Variants in GATAD2B observed in about 807,000 individuals in gnomAD.
GATAD2B encodes GATA zinc finger domain containing 2B, also known as transcriptional repressor p66-beta.
GATAD2B carries 8 observed loss-of-function variants against 64.3 expected under a neutral mutation model. That is an observed-to-expected ratio of 0.12 (90% CI 0.07 to 0.22). GATAD2B has a LOEUF of 0.22. Among genes scored for constraint, GATAD2B ranks in the 10% least tolerant of loss-of-function variants. The pLI, the probability that GATAD2B is intolerant of heterozygous loss-of-function variation, is 1.00. For synonymous variants in GATAD2B, 281 were observed against 271.3 expected, an observed-to-expected ratio of 1.04 and a Z score of -0.35; for missense variants, 453 against 752.0, an observed-to-expected ratio of 0.60 and a Z score of 4.65.
chr1:153,893,979 A>C (rs370431943), intron 1 of GATAD2B, among the ~76,000 whole-genome samples: 4 of 134,308 alleles, frequency 3.0e-5, no homozygotes, highest in Non-Finnish European at 6.7e-5. Context: ...AAAAAAAAAA[A>C]AAACCCAAAA....
In GATAD2B at chr1:153,817,459, G is replaced by C. The variant is rs769561865; in HGVS notation, c.813C>G (p.Ala271=). The change falls in exon 6 of 11, where the codon GCC becomes GCG. Residue 271 remains alanine (A), a synonymous_variant. Coordinates refer to ENST00000368655, the MANE Select transcript of GATAD2B (RefSeq NM_020699.4). The part of the protein sequence containing the change: ...MSQRVIAPNP[A]QLQGQRGPPK... ...GCGGGCCCCGCTGACCCTGTAGCTGGGCTGGGTTTGGTGCAATAACACGTT... is the reference window on the plus strand; with the variant it reads ...GCGGGCCCCGCTGACCCTGTAGCTGCGCTGGGTTTGGTGCAATAACACGTT... The C allele has an allele frequency of 5.0e-6, 8 of 1,613,600 alleles. No homozygotes were observed. The South Asian group carries it at 8.8e-5, about 18-fold the overall frequency.
At chr1:153,915,698 G>A (rs1319820647) in intron 1 of GATAD2B, among the ~76,000 whole-genome samples, 7 of 144,664 alleles carry the variant, frequency 4.8e-5, no homozygotes, top group Non-Finnish European at 9.0e-5. Flanking sequence ...TCGTGCCACT[G>A]TGCTCCATGG....
In GATAD2B at chr1:153,897,803, G is replaced by A. The variant is rs1239012692; in HGVS notation, c.-2+24930C>T. On this transcript the variant is annotated intron_variant, in intron 1 of 10. Coordinates refer to ENST00000368655, the MANE Select transcript of GATAD2B (RefSeq NM_020699.4). The stretch of plus-strand genomic sequence containing the variant: ...AAAAAAATTTTTTTAAAGAATTGCT[G>A]AAAACGATGCACTTCCTCAGTAACT... Among the ~76,000 whole-genome samples the A allele has an allele frequency of 2.6e-5, 4 of 152,028 alleles. No homozygotes were observed. In the East Asian group the frequency reaches 7.7e-4, roughly 29 times the overall value.
intron 1 of GATAD2B, among the ~76,000 whole-genome samples, chr1:153,871,495 C>T (rs1676664761): frequency 6.6e-6 from 1 of 152,096 alleles, no homozygotes; most frequent in South Asian, 2.1e-4. Flanking sequence ...AGCCACTGTA[C>T]CCAGCCAGAG....
In GATAD2B at chr1:153,807,341, T is replaced by TG. The variant is rs2101870459; in HGVS notation, c.*2835dup. The TG allele has an allele frequency of 6.6e-6, 1 of 150,838 alleles. No individual in the cohort carries two copies. The highest frequency in any genetic ancestry group is 2.0e-4 in the East Asian group (1 of 5,128). 9.3% of individuals were successfully genotyped at this position (150,838 alleles called of 1,614,324 possible). ...TGGAGGGACACAAGGCAATCAGTGA[T>TG]GAAAAAAAAGAGACGGAGAATTGAG... On this transcript the variant is annotated 3_prime_UTR_variant, in exon 11 of 11. Coordinates refer to ENST00000368655, the MANE Select transcript of GATAD2B (RefSeq NM_020699.4).
Position 153,805,432 on chromosome 1 carries a change from T to C in GATAD2B, c.*4745A>G, listed in dbSNP as rs1428589989. ...AAGGGCTCTGTGGTTGGCTGTGAGA[T>C]GGGGCTTGAGGCCTAGTCCCCGCCC... On this transcript the variant is annotated 3_prime_UTR_variant, in exon 11 of 11. Transcript: ENST00000368655. 1 of 152,178 alleles carries C rather than the reference T, an allele frequency of 6.6e-6. No individual in the cohort carries two copies. The highest frequency in any genetic ancestry group is 1.5e-5 in the Non-Finnish European group (1 of 68,030). The allele number at this position is 152,178 out of a possible 1,614,324, so 9.4% of individuals were successfully genotyped here. A position where few individuals can be genotyped will look rare whatever the true frequency, so the allele number is the denominator to read the frequency against.
chr1:153,872,088 T>C (rs957226026), intron 1 of GATAD2B, among the ~76,000 whole-genome samples: 1 of 151,952 alleles, frequency 6.6e-6, no homozygotes, highest in African/African-American at 2.4e-5. Context: ...GAGGCTGCGG[T>C]AGGCGGATCA....
chr1:153,895,160 AAAAC>A (rs1182653852), intron 1 of GATAD2B, among the ~76,000 whole-genome samples: 2 of 151,942 alleles, frequency 1.3e-5, no homozygotes, highest in East Asian at 1.9e-4. Flanking sequence ...CTCCGTCTCA[AAAAC>A]AAACAAACAA....
intron 1 of GATAD2B, among the ~76,000 whole-genome samples, chr1:153,899,862 A>G (rs1211327567): frequency 6.6e-6 from 1 of 152,178 alleles, no homozygotes; most frequent in Non-Finnish European, 1.5e-5. Flanking sequence ...ACAAAATTGT[A>G]AAGGGGCATA....
Position 153,817,538 on chromosome 1 carries a change from T to C in GATAD2B, c.734A>G (p.His245Arg), listed in dbSNP as rs765314482. ...EPQNLRTLQG[H>R]SVIRSATNTT... The stretch of plus-strand genomic sequence containing the variant: ...ATTGGTAGCTGAACGGATGACACTG[T>C]GACCCTGGAGGGGAAGAAGAGGAAA... Residue 245 changes from histidine to arginine, a missense_variant, in exon 6 of 11, where the codon CAC becomes CGC. By Grantham distance (29) the His-to-Arg change is conservative. Around this residue, in one of 2 missense-constraint regions of GATAD2B, gnomAD observed 293 missense variants for 417.2 expected, o/e 0.70. Transcript: ENST00000368655. 7 of 1,593,204 alleles carry C rather than the reference T, an allele frequency of 4.4e-6. No individual in the cohort carries two copies. The highest frequency in any genetic ancestry group is 6.0e-6 in the Non-Finnish European group (7 of 1,170,888).
Position 153,807,129 on chromosome 1 carries a change from G to C in GATAD2B, c.*3048C>G, listed in dbSNP as rs1674134949. On this transcript the variant is annotated 3_prime_UTR_variant, in exon 11 of 11. Coordinates refer to ENST00000368655, the MANE Select transcript of GATAD2B (RefSeq NM_020699.4). ...ATTCCACCCATTTCAGGCTTCCAGG[G>C]AGTAAGACACCAACCTTAAAATACT... The C allele has an allele frequency of 6.6e-6, 1 of 152,140 alleles. No homozygotes were observed. The allele number at this position is 152,140 out of a possible 1,614,324, so 9.4% of individuals were successfully genotyped here.
At chr1:153,891,774 A>G (rs1047619795) in intron 1 of GATAD2B, among the ~76,000 whole-genome samples, 1 of 151,774 alleles carries the variant, frequency 6.6e-6, no homozygotes, top group African/African-American at 2.4e-5. Context: ...CCATGTGCAT[A>G]TATCACCTAT....
intron 1 of GATAD2B, 46 bp from the exon 2 acceptor site, chr1:153,828,394 A>C: frequency 1.4e-6 from 2 of 1,441,904 alleles, no homozygotes; most frequent in African/African-American, 1.4e-5. Flanking sequence ...AGTCCCTTAA[A>C]TAGTCCATTT....
chr1:153,861,759 G>A (rs1448148985), intron 1 of GATAD2B, among the ~76,000 whole-genome samples: 1 of 128,720 alleles, frequency 7.8e-6, no homozygotes, highest in East Asian at 2.1e-4. Context: ...TCCAGCCTGG[G>A]CAACAGAGCG....
chr1:153,810,191 T>C lies in GATAD2B; in HGVS notation c.1768A>G (p.Ser590Gly). The change falls in exon 11 of 11, where the codon AGT (serine) becomes GGT (glycine). Residue 590 changes from serine (S) to glycine (G), a missense_variant. Physicochemically the swap from Ser to Gly is moderately conservative, Grantham distance 56 (BLOSUM62 0). This residue lies in a region of GATAD2B where 160 missense variants were observed against 334.7 expected (regional missense o/e 0.48). Coordinates refer to ENST00000368655, the MANE Select transcript of GATAD2B (RefSeq NM_020699.4). ...TGGAACAGGCGTTATTTCTGTCCAC[T>C]GATGGACTGCGATATAGACCGGGGA... ...IPPRSISQSI[S>G]GQK is the part of the protein sequence containing the mutation. 1.2e-6 allele frequency: 2 copies of C among 1,610,786 alleles called. No individual in the cohort carries two copies. Among genetic ancestry groups the C allele is most frequent in the African/African-American group, 1.3e-5 (1 of 74,856 alleles).
At chr1:153,844,393 T>C (rs1417431722) in intron 1 of GATAD2B, among the ~76,000 whole-genome samples, 4 of 150,368 alleles carry the variant, frequency 2.7e-5, no homozygotes, top group African/African-American at 9.8e-5. Flanking sequence ...TAAGTACTGC[T>C]TAGTTTAAGT....
rs200843810 is a variant in GATAD2B, at chr1:153,810,168, G to C, written c.*9C>G. The C allele has an allele frequency of 1.5e-5, 24 of 1,606,750 alleles. No homozygotes were observed. Among genetic ancestry groups the C allele is most frequent in the Non-Finnish European group, 1.8e-5 (21 of 1,176,610 alleles). ...ATTCAAGGATGGGGCAGTACAAGTG[G>C]AACAGGCGTTATTTCTGTCCACTGA... On this transcript the variant is annotated 3_prime_UTR_variant, in exon 11 of 11. Coordinates refer to ENST00000368655, the MANE Select transcript of GATAD2B (RefSeq NM_020699.4).
chr1:153,911,609 G>A (rs748623891), intron 1 of GATAD2B, among the ~76,000 whole-genome samples: 27 of 151,924 alleles, frequency 1.8e-4, no homozygotes, highest in Non-Finnish European at 3.1e-4. Flanking sequence ...GGTGGTAGGC[G>A]CCTGTAATCC....
At position 153,810,166 on chromosome 1, in the gene GATAD2B, TG is replaced by T. The variant is rs1258196664; in HGVS notation, c.*10del. 1.9e-6 allele frequency: 3 copies of T among 1,604,868 alleles called. No individual in the cohort carries two copies. The highest frequency in any genetic ancestry group is 1.7e-6 in the Non-Finnish European group (2 of 1,175,680). ...GGATTCAAGGATGGGGCAGTACAAG[TG>T]GAACAGGCGTTATTTCTGTCCACTG... On this transcript the variant is annotated 3_prime_UTR_variant, in exon 11 of 11. Transcript: ENST00000368655.
Sources: allele counts gnomAD v4.1 joint callset (sites outside exome capture counted in the v4.1 genomes callset), GRCh38; gene constraint gnomAD v4.1.1; regional missense constraint gnomAD v4.1.1; transcripts MANE v1.5; gene names NCBI Gene and HGNC (gene_info 2026-07-23, HGNC 2026-07-21).